MAD1L1: variants seen among roughly 807,000 people sequenced by gnomAD.
MAD1L1 encodes the protein mitotic spindle assembly checkpoint protein MAD1.
A neutral mutation model predicts 96.9 loss-of-function variants in MAD1L1; 95 were observed. The observed-to-expected ratio is 0.98, with a 90% confidence interval of 0.83 to 1.16. MAD1L1 has a LOEUF of 1.16. MAD1L1 is among the 50% of genes most tolerant of loss of function. The probability of loss-of-function intolerance (pLI) is 0.00; values close to 1 mark genes in which losing one functional copy is unlikely to be tolerated. For synonymous variants in MAD1L1, 473 were observed against 396.6 expected (o/e 1.19, Z -2.29); for missense variants, 1,007 against 954.4 (o/e 1.06, Z -0.73).
At chr7:2,121,286 C>T (rs1192816168) in intron 11 of MAD1L1, among the ~76,000 whole-genome samples, 1 of 152,240 alleles carries the variant, frequency 6.6e-6, no homozygotes, top group African/African-American at 2.4e-5. Flanking sequence ...TCCGCCTCTC[C>T]CAACCTCTGT....
rs541222386 is a variant in MAD1L1, at chr7:1,843,806, A to G, written c.1999-27578T>C. On this transcript the variant is annotated intron_variant, in intron 18 of 18. Transcript: ENST00000265854. Reference sequence around the variant, plus strand: ...CCACGTGGAGGCGAATTCACCTCCTACCCAGACAGCGTGGGCAATGCTGAA... The same window carrying G: ...CCACGTGGAGGCGAATTCACCTCCTGCCCAGACAGCGTGGGCAATGCTGAA... Among the ~76,000 whole-genome samples, 25 of 152,220 alleles carry G rather than the reference A, an allele frequency of 1.6e-4. 1 individual carries two copies. The East Asian group carries it at 3.5e-3, about 21-fold the overall frequency.
chr7:2,119,925 C>T lies in MAD1L1; in HGVS notation c.1073+29227G>A, dbSNP rs889504860. 1.5e-4 allele frequency among the ~76,000 whole-genome samples: 23 copies of T among 152,272 alleles called. No homozygotes were observed. The highest frequency in any genetic ancestry group is 5.5e-4 in the African/African-American group (23 of 41,560). ...GGAGCTCCTTATTCCCTGAAAGCCG[C>T]CCTCAGCATCCTCCTCACTCCACCT... On this transcript the variant is annotated intron_variant, in intron 11 of 18. Coordinates refer to ENST00000265854, the MANE Select transcript of MAD1L1 (RefSeq NM_001013836.2). This position sits in a 1 kb window ranked among gnomAD's most constrained non-coding sequence, Gnocchi z 4.6.
intron 12 of MAD1L1, among the ~76,000 whole-genome samples, chr7:2,063,234 G>T (rs1332828600): frequency 2.6e-5 from 4 of 152,134 alleles, no homozygotes; most frequent in Admixed American, 2.6e-4. Flanking sequence ...ACGTGGGGTG[G>T]GTGGGACCTC....
At chr7:2,062,257 C>CAAAAAA (rs56706072) in intron 12 of MAD1L1, among the ~76,000 whole-genome samples, 1 of 102,802 alleles carries the variant, frequency 9.7e-6, no homozygotes, top group African/African-American at 3.9e-5. Flanking sequence ...ACAGCAACGA[C>CAAAAAA]AAAAAAAAAA....
At chr7:2,112,271 C>CAGA (rs2128556451) in intron 11 of MAD1L1, among the ~76,000 whole-genome samples, 1 of 152,252 alleles carries the variant, frequency 6.6e-6, no homozygotes, top group East Asian at 1.9e-4. Flanking sequence ...AGCTGCACAG[C>CAGA]AGAAGGGCAA....
At chr7:1,937,511 G>A (rs1202542136) in intron 16 of MAD1L1, among the ~76,000 whole-genome samples, 1 of 152,134 alleles carries the variant, frequency 6.6e-6, no homozygotes, top group Non-Finnish European at 1.5e-5. Flanking sequence ...CCTGTGGTGG[G>A]TGACCGACCC....
chr7:1,838,564 A>AAGATGCC (rs1783058346), intron 18 of MAD1L1: 1 of 354,648 alleles, frequency 2.8e-6, no homozygotes, highest in African/African-American at 2.1e-5. Flanking sequence ...CGCTCAGCGA[A>AAGATGCC]AGATGCCAGA....
At chr7:1,881,739 C>G (rs1475844039) in intron 18 of MAD1L1, among the ~76,000 whole-genome samples, 4 of 152,200 alleles carry the variant, frequency 2.6e-5, no homozygotes, top group Non-Finnish European at 5.9e-5. Flanking sequence ...CACCAGGAAA[C>G]AGACATGAAG....
chr7:1,949,404 G>A (rs1433007515), intron 16 of MAD1L1, among the ~76,000 whole-genome samples: 1 of 152,246 alleles, frequency 6.6e-6, no homozygotes, highest in African/African-American at 2.4e-5. Context: ...GCCCGGCTCT[G>A]AGTCCCTCTT....
intron 12 of MAD1L1, among the ~76,000 whole-genome samples, chr7:2,035,213 G>A (rs1478462158): frequency 3.3e-5 from 5 of 152,252 alleles, no homozygotes; most frequent in African/African-American, 9.6e-5. Context: ...CCAAGGACAC[G>A]CTGAGAAATG....
chr7:1,841,629 C>T (rs35610003), intron 18 of MAD1L1, among the ~76,000 whole-genome samples: 55,388 of 152,086 alleles, frequency 0.36, 10,330 homozygotes, highest in Non-Finnish European at 0.42. Flanking sequence ...TGAAGCTGGA[C>T]GAGCCCACAG....
intron 18 of MAD1L1, among the ~76,000 whole-genome samples, chr7:1,857,768 C>A (rs1784329280): frequency 6.6e-6 from 1 of 152,232 alleles, no homozygotes; most frequent in Admixed American, 6.5e-5. Context: ...TGAGGCCTGC[C>A]CGGCTAGGCC....
intron 14 of MAD1L1, 108 bp downstream of exon 14, chr7:2,001,957 C>A: frequency 8.8e-7 from 1 of 1,138,620 alleles, no homozygotes; most frequent in Non-Finnish European, 1.3e-6. Flanking sequence ...ACAGAAGAGG[C>A]AGCCATGCAC....
At chr7:1,946,328 T>C (rs903524652) in intron 16 of MAD1L1, among the ~76,000 whole-genome samples, 6 of 152,104 alleles carry the variant, frequency 3.9e-5, no homozygotes, top group Non-Finnish European at 8.8e-5. Context: ...GCACTGTGTG[T>C]GCCAGCAAGC....
chr7:1,941,404 G>A (rs1778991557), intron 16 of MAD1L1, among the ~76,000 whole-genome samples: 2 of 152,198 alleles, frequency 1.3e-5, no homozygotes, highest in South Asian at 4.1e-4. Flanking sequence ...GAGGATTTAA[G>A]GACCAAAAGC....
intron 12 of MAD1L1, among the ~76,000 whole-genome samples, chr7:2,057,554 C>T (rs1784434790): frequency 8.0e-6 from 1 of 125,188 alleles, no homozygotes; most frequent in Admixed American, 9.6e-5. Flanking sequence ...GGGAATGAAA[C>T]ATTAATGATC....
chr7:2,211,871 T>G (rs1236410311), intron 10 of MAD1L1, among the ~76,000 whole-genome samples: 1 of 152,188 alleles, frequency 6.6e-6, no homozygotes, highest in African/African-American at 2.4e-5. Context: ...AGTCTCAGTC[T>G]CAGCCTAGTT....
intron 10 of MAD1L1, 73 bp downstream of exon 10, chr7:2,213,139 G>A (rs1020074671): frequency 2.6e-5 from 39 of 1,514,060 alleles, no homozygotes; most frequent in South Asian, 1.8e-4. Context: ...CTGGTGAGCC[G>A]GAAGCAGGCT....
chr7:1,838,904 C>T (rs1197273756), intron 18 of MAD1L1: 8 of 468,288 alleles, frequency 1.7e-5, no homozygotes, highest in Middle Eastern at 7.1e-4. Context: ...CACCCTGGGG[C>T]GGGGAGGAGG....
Sources: gnomAD v4.1 joint callset for allele counts (sites outside exome capture counted in the v4.1 genomes callset) on GRCh38, gnomAD v4.1.1 for gene constraint, Gnocchi (gnomAD v3.1) non-coding constraint, MANE v1.5 for transcripts, NCBI Gene and HGNC (gene_info 2026-07-23, HGNC 2026-07-21) for gene names.